DOCK5: variants seen among roughly 807,000 people sequenced by gnomAD.
The protein encoded by DOCK5 is dedicator of cytokinesis 5, also known as dedicator of cytokinesis protein 5.
Under a neutral mutation model 251.8 loss-of-function variants are expected in DOCK5, and 142 were observed. The ratio of observed to expected loss-of-function variants is 0.56; its 90% CI spans 0.49 to 0.65. DOCK5 has a LOEUF of 0.65. Ranked by LOEUF, DOCK5 falls within the 30% of genes least tolerant of loss-of-function variation. The pLI, the probability that DOCK5 is intolerant of heterozygous loss-of-function variation, is 0.00. For synonymous variants in DOCK5, 842 were observed against 835.5 expected, an observed-to-expected ratio of 1.01 and a Z score of -0.13; for missense variants, 2,111 against 2,312.3, an observed-to-expected ratio of 0.91 and a Z score of 1.79.
At chr8:25,367,766 C>G (rs1586367558) in intron 31 of DOCK5, among the ~76,000 whole-genome samples, 1 of 152,030 alleles carries the variant, frequency 6.6e-6, no homozygotes, top group Non-Finnish European at 1.5e-5. Flanking sequence ...TTTTGAAAAA[C>G]ACGCTAGAAT....
chr8:25,403,528 C>T (rs774731061), intron 47 of DOCK5, 30 bp from the exon 48 acceptor site: 55 of 1,609,302 alleles, frequency 3.4e-5, no homozygotes, highest in Admixed American at 3.3e-5. Context: ...ATTCCAGGTC[C>T]GCTAACCATG....
Position 25,336,242 on chromosome 8 carries a change from A to T in DOCK5, c.2196A>T (p.Lys732Asn). The T allele has an allele frequency of 6.2e-7, 1 of 1,608,578 alleles. No individual in the cohort carries two copies. The highest frequency in any genetic ancestry group is 8.5e-7 in the Non-Finnish European group (1 of 1,175,580). Residue 732 changes from lysine (K) to asparagine (N), a missense_variant, in exon 22 of 52, where the codon AAA (lysine) becomes AAT (asparagine). Around this residue, in one of 3 missense-constraint regions of DOCK5, gnomAD observed 1,717 missense variants for 1,892.4 expected, o/e 0.91. Transcript: ENST00000276440. Reference sequence around the variant, plus strand: ...TTTTCTTTCTCATTCTTCTAAGGAAACTCTCCAAGGTACTGAACTTCTATG... The same window carrying T: ...TTTTCTTTCTCATTCTTCTAAGGAATCTCTCCAAGGTACTGAACTTCTATG... ...KHFSATLAYV[K>N]LSKVLNFYVA...
rs879210667 is a variant in DOCK5 at position 25,358,890 on chromosome 8, T to TG, written c.2851-69dup. The TG allele has an allele frequency of 3.7e-5, 50 of 1,366,426 alleles. No individual in the cohort carries two copies. In the South Asian group the frequency reaches 5.1e-4, roughly 14 times the overall value. 84.6% of individuals were successfully genotyped at this position (1,366,426 alleles called of 1,614,324 possible). On this transcript the variant is annotated intron_variant, in intron 27 of 51. Coordinates refer to ENST00000276440, the MANE Select transcript of DOCK5 (RefSeq NM_024940.8). ...CAGTGGGTGGGAAAAGCCAAGTTCATGGGGCTCACATAGTGTTTTTGTCAG... is the reference window on the plus strand; with the variant it reads ...CAGTGGGTGGGAAAAGCCAAGTTCATGGGGGCTCACATAGTGTTTTTGTCAG...
chr8:25,220,013 T>A (rs1265404840), intron 1 of DOCK5, among the ~76,000 whole-genome samples: 1 of 149,084 alleles, frequency 6.7e-6, no homozygotes, highest in Non-Finnish European at 1.5e-5. Context: ...CTTCTTCTTT[T>A]TTTTTTGTCT....
intron 50 of DOCK5, 108 bp downstream of exon 50, chr8:25,409,048 A>T: frequency 1.3e-6 from 2 of 1,495,248 alleles, no homozygotes; most frequent in South Asian, 2.3e-5. Context: ...AGACCATTGT[A>T]AAACTGGTTC....
At chr8:25,251,893 G>A (rs572712169) in intron 2 of DOCK5, among the ~76,000 whole-genome samples, 28 of 151,956 alleles carry the variant, frequency 1.8e-4, no homozygotes, top group African/African-American at 6.3e-4. Flanking sequence ...GGAGACTGAG[G>A]CACAAGAATC....
At chr8:25,351,608 A>G (rs1222969297) in intron 26 of DOCK5, 123 bp from the exon 27 acceptor site, 1 of 654,494 alleles carries the variant, frequency 1.5e-6, no homozygotes, top group East Asian at 2.7e-5. Flanking sequence ...CTTTTGGACA[A>G]GAGATTGCTT....
intron 40 of DOCK5, among the ~76,000 whole-genome samples, chr8:25,385,725 A>G (rs762015910): frequency 6.6e-6 from 1 of 152,184 alleles, no homozygotes; most frequent in African/African-American, 2.4e-5. Context: ...TCAATAAACT[A>G]TTTAGTATGA....
rs549776820 is a variant in DOCK5, at chr8:25,267,255, A to G, written c.128-1590A>G. Among the ~76,000 whole-genome samples, 143 of 152,290 alleles carry G rather than the reference A, an allele frequency of 9.4e-4. 1 individual carries two copies. The highest frequency in any genetic ancestry group is 3.3e-3 in the African/African-American group (138 of 41,562). On this transcript the variant is annotated intron_variant, in intron 2 of 51. Coordinates refer to ENST00000276440, the MANE Select transcript of DOCK5 (RefSeq NM_024940.8). ...CGGGGGAAGTGTTTCCTGTTTAGAT[A>G]TCTTTTTCTCAGCCATGTGCCTTGA... is the stretch of plus-strand genomic sequence containing the variant.
At chr8:25,338,373 C>T (rs563388062) in intron 22 of DOCK5, among the ~76,000 whole-genome samples, 2 of 152,248 alleles carry the variant, frequency 1.3e-5, no homozygotes, top group South Asian at 4.1e-4. Context: ...CTTCATGTGA[C>T]AGGGTTGTAA....
rs553000537 is a variant in DOCK5 at position 25,312,167 on chromosome 8, T to C, written c.1318+1635T>C. On this transcript the variant is annotated intron_variant, in intron 13 of 51. Transcript: ENST00000276440. ...ATTACATAGCTATTTTACCCTGATA[T>C]ACATTCATCAACATTCTGGGAAAAT... 3.9e-5 allele frequency among the ~76,000 whole-genome samples: 6 copies of C among 152,216 alleles called. No homozygotes were observed. In the South Asian group the frequency reaches 6.2e-4, roughly 16 times the overall value.
chr8:25,273,137 A>AG (rs1160906338), intron 3 of DOCK5, among the ~76,000 whole-genome samples: 1 of 152,122 alleles, frequency 6.6e-6, no homozygotes, highest in Admixed American at 6.6e-5. Context: ...TAGGCCTCCT[A>AG]GGGACAGGCC....
At chr8:25,188,192 T>C (rs971536232) in intron 1 of DOCK5, among the ~76,000 whole-genome samples, 2 of 152,172 alleles carry the variant, frequency 1.3e-5, no homozygotes, top group Non-Finnish European at 2.9e-5. Context: ...TTTTGTTTGG[T>C]TAGATGGAGG....
chr8:25,288,779 A>T (rs1804408799), intron 5 of DOCK5, among the ~76,000 whole-genome samples: 1 of 152,196 alleles, frequency 6.6e-6, no homozygotes, highest in African/African-American at 2.4e-5. Flanking sequence ...AAATGGAAAC[A>T]TTTTATATAA....
chr8:25,392,020 C>CG, intron 43 of DOCK5, 40 bp downstream of exon 43: 1 of 1,588,490 alleles, frequency 6.3e-7, no homozygotes, highest in Non-Finnish European at 8.6e-7. Context: ...GTAAAATTAA[C>CG]GGGCTGAGCA....
At chr8:25,206,624 T>A (rs1802008362) in intron 1 of DOCK5, among the ~76,000 whole-genome samples, 1 of 152,154 alleles carries the variant, frequency 6.6e-6, no homozygotes, top group African/African-American at 2.4e-5. Context: ...AGGGAAGGCC[T>A]AGGTAGCCTC....
chr8:25,320,379 T>G (rs1345979747), intron 15 of DOCK5, among the ~76,000 whole-genome samples: 1 of 152,240 alleles, frequency 6.6e-6, no homozygotes, highest in Non-Finnish European at 1.5e-5. Flanking sequence ...ATGCTGTTGA[T>G]ACAAATTTAT....
rs538989622 is a variant in DOCK5 at position 25,302,225 on chromosome 8, G to C, written c.847-100G>C. On this transcript the variant is annotated intron_variant, in intron 9 of 51. Transcript: ENST00000276440. ...CTAATACTTCAGCATTGAGAAATAA[G>C]GTCGGAACAGGATTTTGTTGTAGAG... 5.0e-4 allele frequency: 690 copies of C among 1,387,768 alleles called. 3 individuals are homozygous for C. The highest frequency in any genetic ancestry group is 6.4e-4 in the Non-Finnish European group (671 of 1,053,420). The allele number at this position is 1,387,768 out of a possible 1,614,324, so 86.0% of individuals were successfully genotyped here. A position where few individuals can be genotyped will look rare whatever the true frequency, so the allele number is the denominator to read the frequency against.
At chr8:25,255,770 G>A (rs934248552) in intron 2 of DOCK5, among the ~76,000 whole-genome samples, 5 of 152,236 alleles carry the variant, frequency 3.3e-5, no homozygotes, top group Non-Finnish European at 5.9e-5. Context: ...CTTGTCAGGG[G>A]ACAAGAGGTA....
Sources: gnomAD v4.1 joint callset for allele counts (sites outside exome capture counted in the v4.1 genomes callset) on GRCh38, gnomAD v4.1.1 for gene constraint, gnomAD v4.1.1 regional missense constraint, MANE v1.5 for transcripts, NCBI Gene and HGNC (gene_info 2026-07-23, HGNC 2026-07-21) for gene names.